The following NAV2 variants were observed in gnomAD, a reference collection of about 807,000 sequenced individuals.
NAV2 encodes the protein helicase, APC down-regulated 1.
In NAV2, 54 loss-of-function variants were observed where a neutral mutation model predicts 223.2. The observed-to-expected ratio is 0.24, with a 90% CI of 0.19 to 0.30. The LOEUF is 0.30. NAV2 is among the 10% of genes least tolerant of loss of function. The pLI, the probability that NAV2 is intolerant of heterozygous loss-of-function variation, is 1.00. For missense variants in NAV2, 2,806 were observed against 3,147.5 expected, an observed-to-expected ratio of 0.89 and a Z score of 2.60; for synonymous variants, 1,279 against 1,239.3, an observed-to-expected ratio of 1.03 and a Z score of -0.67.
intron 10 of NAV2, among the ~76,000 whole-genome samples, chr11:19,983,709 A>G (rs577400206): frequency 1.6e-4 from 24 of 151,938 alleles, no homozygotes; most frequent in African/African-American, 5.1e-4. Context: ...TTTTCCACTC[A>G]CTGTTCTGTA....
At chr11:19,663,071 TC>T in intron 1 of NAV2, among the ~76,000 whole-genome samples, 1 of 152,054 alleles carries the variant, frequency 6.6e-6, no homozygotes, top group Non-Finnish European at 1.5e-5. Context: ...ACTGACCCTT[TC>T]CCCCCAACCA....
intron 11 of NAV2, among the ~76,000 whole-genome samples, chr11:19,992,691 G>A (rs191478251): frequency 8.6e-4 from 128 of 149,092 alleles, no homozygotes; most frequent in African/African-American, 3.0e-3. Context: ...AGGTTCAAGC[G>A]ATTCTTCTGC....
chr11:19,380,436 A>G (rs553179309), intron 1 of NAV2: 2 of 152,348 alleles, frequency 1.3e-5, no homozygotes, highest in African/African-American at 4.8e-5. Context: ...CCTGTGATCT[A>G]AAGGGCTGCT....
intron 10 of NAV2, among the ~76,000 whole-genome samples, chr11:19,969,983 C>T (rs773674901): frequency 4.0e-5 from 6 of 151,850 alleles, no homozygotes; most frequent in African/African-American, 7.3e-5. Flanking sequence ...AAATTAACAA[C>T]AGTAACTAAC....
At chr11:19,629,110 C>T (rs982887774) in intron 1 of NAV2, among the ~76,000 whole-genome samples, 16 of 152,154 alleles carry the variant, frequency 1.1e-4, no homozygotes, top group African/African-American at 3.9e-4. Context: ...TCATTGTCTC[C>T]GTGGAGTGCA....
chr11:19,521,661 A>G (rs2043660783), intron 1 of NAV2, among the ~76,000 whole-genome samples: 1 of 152,108 alleles, frequency 6.6e-6, no homozygotes, highest in Non-Finnish European at 1.5e-5. Flanking sequence ...ATCAGTGAGC[A>G]CTTATTGAAG....
intron 6 of NAV2, among the ~76,000 whole-genome samples, chr11:19,914,420 A>G (rs894653034): frequency 9.2e-5 from 14 of 152,256 alleles, no homozygotes; most frequent in African/African-American, 3.4e-4. Context: ...ACCCCAAATC[A>G]TTCTCAGAAA....
intron 2 of NAV2, among the ~76,000 whole-genome samples, chr11:19,837,922 C>G (rs1445021612): frequency 6.6e-6 from 1 of 152,020 alleles, no homozygotes; most frequent in South Asian, 2.1e-4. Context: ...CTATGGAAGA[C>G]AATATACTAG....
At chr11:19,514,337 AAC>A (rs1438819764) in intron 1 of NAV2, among the ~76,000 whole-genome samples, 1 of 152,138 alleles carries the variant, frequency 6.6e-6, no homozygotes, top group Non-Finnish European at 1.5e-5. Flanking sequence ...GGGTTTATGT[AAC>A]ATTCTCTCAC....
chr11:20,080,914 T>A (rs1156300444), intron 25 of NAV2, among the ~76,000 whole-genome samples: 3 of 152,196 alleles, frequency 2.0e-5, no homozygotes, highest in Non-Finnish European at 2.9e-5. Context: ...TCCAGTTTTT[T>A]AATTCTTCTT....
chr11:19,557,887 C>T (rs1249101694), intron 1 of NAV2, among the ~76,000 whole-genome samples: 1 of 152,186 alleles, frequency 6.6e-6, no homozygotes, highest in Admixed American at 6.5e-5. Context: ...GCCAGAATGA[C>T]AGAGGGCACT....
chr11:19,825,647 G>A (rs2059610587), intron 1 of NAV2, among the ~76,000 whole-genome samples: 1 of 152,142 alleles, frequency 6.6e-6, no homozygotes, highest in Non-Finnish European at 1.5e-5. Flanking sequence ...GGGTTCTTTA[G>A]TGCTACCCGG....
intron 1 of NAV2, among the ~76,000 whole-genome samples, chr11:19,679,806 C>T (rs1328412244): frequency 6.6e-6 from 1 of 152,232 alleles, no homozygotes; most frequent in African/African-American, 2.4e-5. Context: ...AGGGCAGGGA[C>T]TGTGTCTAAG....
At chr11:20,105,402 G>A (rs1776826601) in intron 34 of NAV2, 129 bp from the exon 35 acceptor site, 22 of 687,078 alleles carry the variant, frequency 3.2e-5, no homozygotes, top group Non-Finnish European at 5.3e-5. Context: ...AAGAGTGTTC[G>A]GTGCATAGCT....
intron 1 of NAV2, among the ~76,000 whole-genome samples, chr11:19,534,173 C>T (rs765069813): frequency 1.3e-5 from 2 of 152,222 alleles, no homozygotes; most frequent in Non-Finnish European, 2.9e-5. Context: ...TACTGCATCT[C>T]TCTGCTTAGT....
At chr11:19,892,774 A>G (rs2041617802) in intron 6 of NAV2, among the ~76,000 whole-genome samples, 180 bp downstream of exon 6, 1 of 152,198 alleles carries the variant, frequency 6.6e-6, no homozygotes, top group South Asian at 2.1e-4. Flanking sequence ...AAGTGGGGGA[A>G]AATATTGTTA....
At position 19,730,509 on chromosome 11, in the gene NAV2, C is replaced by A. The variant is rs528514277; in HGVS notation, c.267+16547C>A. On this transcript the variant is annotated intron_variant, in intron 1 of 37. Coordinates refer to ENST00000349880, the MANE Select transcript of NAV2 (RefSeq NM_145117.5). ...TCTGCTGAGGTGACAGGGCTGGGGC[C>A]GGGCAGGCAGTGCAGTGCTGGCTCA... is the stretch of plus-strand genomic sequence containing the variant. Among the ~76,000 whole-genome samples, 115 of 152,326 alleles carry A rather than the reference C, an allele frequency of 7.5e-4. 2 individuals are homozygous for A. Among genetic ancestry groups the A allele is most frequent in the African/African-American group, 2.6e-3 (110 of 41,584 alleles).
At chr11:19,968,621 A>G (rs1229631839) in intron 10 of NAV2, among the ~76,000 whole-genome samples, 2 of 152,214 alleles carry the variant, frequency 1.3e-5, no homozygotes, top group Non-Finnish European at 2.9e-5. Context: ...TCCCATTTGA[A>G]TTATGATTTT....
At chr11:19,552,792 C>A (rs550074872) in intron 1 of NAV2, among the ~76,000 whole-genome samples, 1 of 151,978 alleles carries the variant, frequency 6.6e-6, no homozygotes, top group Non-Finnish European at 1.5e-5. Flanking sequence ...AAGTAGCTCT[C>A]TCCGAGGGGC....
Sources: allele counts gnomAD v4.1 joint callset (sites outside exome capture counted in the v4.1 genomes callset), GRCh38; gene constraint gnomAD v4.1.1; transcripts MANE v1.5; gene names NCBI Gene and HGNC (gene_info 2026-07-23, HGNC 2026-07-21).